CELF4: variants seen among roughly 807,000 people sequenced by gnomAD.
CELF4 encodes CUG-BP- and ETR-3-like factor 4.
CELF4 carries 18 observed loss-of-function variants against 59.9 expected under a neutral mutation model. The observed-to-expected ratio is 0.30, with a 90% CI of 0.21 to 0.45. CELF4 has a LOEUF of 0.45. Among genes scored for constraint, CELF4 ranks in the 20% least tolerant of loss-of-function variants. The pLI, the probability that CELF4 is intolerant of heterozygous loss-of-function variation, is 1.00. For synonymous variants in CELF4, 261 were observed against 267.1 expected (o/e 0.98, Z 0.22); for missense variants, 456 against 689.0 (o/e 0.66, Z 3.79).
intron 8 of CELF4, among the ~76,000 whole-genome samples, chr18:37,268,318 G>A (rs1374153690): frequency 6.6e-6 from 1 of 152,182 alleles, no homozygotes. Context: ...ATGTGCTTGG[G>A]AGGGTGGTCT....
intron 2 of CELF4, among the ~76,000 whole-genome samples, chr18:37,323,432 C>G (rs55905750): frequency 6.6e-5 from 10 of 152,026 alleles, no homozygotes; most frequent in African/African-American, 2.4e-4. Context: ...GAAGGAGGAA[C>G]GTAATGAAGT....
intron 2 of CELF4, among the ~76,000 whole-genome samples, chr18:37,405,639 T>G (rs2099382555): frequency 6.6e-6 from 1 of 152,216 alleles, no homozygotes; most frequent in Non-Finnish European, 1.5e-5. Flanking sequence ...AAATAGGCCT[T>G]TAGCTCAACA....
At chr18:37,544,001 G>C (rs974638357) in intron 1 of CELF4, among the ~76,000 whole-genome samples, 1 of 152,124 alleles carries the variant, frequency 6.6e-6, no homozygotes, top group Non-Finnish European at 1.5e-5. Flanking sequence ...GCCTTGGCTT[G>C]GGGGAAGCAG....
intron 1 of CELF4, chr18:37,528,890 T>C (rs2154604973): frequency 6.6e-6 from 1 of 152,292 alleles, no homozygotes; most frequent in Middle Eastern, 3.4e-3. Context: ...TTTTTTGCTG[T>C]TATTCTTCTG....
At chr18:37,487,960 CT>C (rs764881997) in intron 1 of CELF4, among the ~76,000 whole-genome samples, 14 of 152,124 alleles carry the variant, frequency 9.2e-5, no homozygotes, top group Non-Finnish European at 2.1e-4. Flanking sequence ...TGACCTCCCC[CT>C]GCCGTCTCCA....
At chr18:37,414,989 C>G (rs187691209) in intron 2 of CELF4, among the ~76,000 whole-genome samples, 1 of 152,362 alleles carries the variant, frequency 6.6e-6, no homozygotes, top group African/African-American at 2.4e-5. Context: ...TAGAAGACAA[C>G]TTCCATTCTT....
chr18:37,368,840 C>T (rs1438313516), intron 2 of CELF4, among the ~76,000 whole-genome samples: 2 of 152,230 alleles, frequency 1.3e-5, no homozygotes, highest in South Asian at 2.1e-4. Flanking sequence ...GTGCCTGTGG[C>T]GGTGCAGGTG....
chr18:37,288,313 T>C (rs1024278685), intron 3 of CELF4, among the ~76,000 whole-genome samples: 1 of 152,228 alleles, frequency 6.6e-6, no homozygotes, highest in Non-Finnish European at 1.5e-5. Flanking sequence ...GCACTGCTCC[T>C]AAGCCCTGTG....
chr18:37,554,588 G>A (rs1253073877), intron 1 of CELF4, among the ~76,000 whole-genome samples: 6 of 152,160 alleles, frequency 3.9e-5, no homozygotes, highest in Non-Finnish European at 7.3e-5. Flanking sequence ...CATGGGGCCT[G>A]GACTCTAAGG....
intron 3 of CELF4, among the ~76,000 whole-genome samples, chr18:37,300,967 G>A (rs1192451412): frequency 6.6e-6 from 1 of 152,222 alleles, no homozygotes; most frequent in Non-Finnish European, 1.5e-5. Flanking sequence ...AGGCAGCAGG[G>A]CTGGGAGTGG....
intron 3 of CELF4, among the ~76,000 whole-genome samples, chr18:37,302,686 C>A (rs2096138188): frequency 6.6e-6 from 1 of 152,156 alleles, no homozygotes. Context: ...TTCCTGGGTG[C>A]TGCAGGGGAT....
chr18:37,479,653 C>T (rs568622401), intron 2 of CELF4, among the ~76,000 whole-genome samples: 9 of 152,214 alleles, frequency 5.9e-5, no homozygotes, highest in South Asian at 4.2e-4. Context: ...AAAGGCTGGG[C>T]GACCCCCATG....
intron 1 of CELF4, among the ~76,000 whole-genome samples, chr18:37,511,196 C>A (rs2099943922): frequency 6.6e-6 from 1 of 152,178 alleles, no homozygotes; most frequent in Non-Finnish European, 1.5e-5. Context: ...CCTTGCATGT[C>A]CTTAGTTACT....
chr18:37,493,471 C>A (rs1188870556), intron 1 of CELF4, among the ~76,000 whole-genome samples: 3 of 152,202 alleles, frequency 2.0e-5, no homozygotes, highest in Non-Finnish European at 4.4e-5. Flanking sequence ...GCGTAGAATG[C>A]AGAGATTGCT....
chr18:37,544,346 C>T (rs1426066271), intron 1 of CELF4, among the ~76,000 whole-genome samples: 5 of 152,138 alleles, frequency 3.3e-5, no homozygotes, highest in Admixed American at 3.3e-4. Flanking sequence ...TTGTCCAACT[C>T]ACACAGCTTG....
rs148012470 is a variant in CELF4 at position 37,314,507 on chromosome 18, C to T, written c.448+7296G>A. 7.6e-4 allele frequency among the ~76,000 whole-genome samples: 116 copies of T among 152,258 alleles called. 1 individual carries two copies. Among genetic ancestry groups the T allele is most frequent in the African/African-American group, 2.4e-3 (100 of 41,538 alleles). On this transcript the variant is annotated intron_variant, in intron 3 of 12. Coordinates refer to ENST00000420428, the MANE Select transcript of CELF4 (RefSeq NM_020180.4). Reference sequence around the variant, plus strand: ...AGAAAGAAAAGGAAAGAAAGATACACGGGCATGGGCTCCCAGGTCCAGATA... The same window carrying T: ...AGAAAGAAAAGGAAAGAAAGATACATGGGCATGGGCTCCCAGGTCCAGATA...
intron 1 of CELF4, among the ~76,000 whole-genome samples, chr18:37,504,267 G>A (rs1246404703): frequency 1.3e-5 from 2 of 152,062 alleles, no homozygotes; most frequent in Non-Finnish European, 2.9e-5. Context: ...AAGGCAGGTG[G>A]ATCTTCTGAG....
intron 1 of CELF4, among the ~76,000 whole-genome samples, chr18:37,542,610 C>G (rs2099978591): frequency 6.6e-6 from 1 of 152,160 alleles, no homozygotes; most frequent in Non-Finnish European, 1.5e-5. Context: ...GAAATGTTCT[C>G]CTAGGAAAAC....
Position 37,253,623 on chromosome 18 carries a change from G to C in CELF4, c.*44+144C>G. ...GACGGCAGCTCTGCGCCTGGCCCGAGGAGCAGGGCGAGGAGCAGGTTGAGC... is the reference window on the plus strand; with the variant it reads ...GACGGCAGCTCTGCGCCTGGCCCGACGAGCAGGGCGAGGAGCAGGTTGAGC... On this transcript the variant is annotated intron_variant, in intron 12 of 12. Coordinates refer to ENST00000420428, the MANE Select transcript of CELF4 (RefSeq NM_020180.4). The surrounding 1 kb of genome is among the most constrained non-coding windows in gnomAD (Gnocchi z 4.5). The C allele has an allele frequency of 1.8e-6, 1 of 566,774 alleles. No homozygotes were observed. The highest frequency in any genetic ancestry group is 2.9e-6 in the Non-Finnish European group (1 of 348,546). 35.1% of individuals were successfully genotyped at this position (566,774 alleles called of 1,614,324 possible).
Sources: allele counts gnomAD v4.1 joint callset (sites outside exome capture counted in the v4.1 genomes callset), GRCh38; gene constraint gnomAD v4.1.1; non-coding constraint Gnocchi (gnomAD v3.1); transcripts MANE v1.5; gene names NCBI Gene and HGNC (gene_info 2026-07-23, HGNC 2026-07-21).